KAT2B: variants seen among roughly 807,000 people sequenced by gnomAD.
The protein encoded by KAT2B is lysine acetyltransferase 2B, also known as histone acetyltransferase KAT2B.
KAT2B carries 36 observed loss-of-function variants against 105.9 expected under a neutral mutation model. That is an observed-to-expected ratio of 0.34 (90% CI 0.26 to 0.45). KAT2B has a LOEUF of 0.45. Among genes scored for constraint, KAT2B ranks in the 20% least tolerant of loss-of-function variants. The pLI, the probability that KAT2B is intolerant of heterozygous loss-of-function variation, is 1.00. For missense variants in KAT2B, 820 were observed against 1,021.6 expected, an observed-to-expected ratio of 0.80 and a Z score of 2.69; for synonymous variants, 397 against 377.9, an observed-to-expected ratio of 1.05 and a Z score of -0.59.
chr3:20,142,817 G>A (rs972517893), intron 13 of KAT2B, among the ~76,000 whole-genome samples: 1 of 152,102 alleles, frequency 6.6e-6, no homozygotes, highest in Non-Finnish European at 1.5e-5. Flanking sequence ...TTGTTATGTC[G>A]GTGATGAAGG....
At chr3:20,083,336 G>A (rs923717675) in intron 2 of KAT2B, among the ~76,000 whole-genome samples, 1 of 152,202 alleles carries the variant, frequency 6.6e-6, no homozygotes, top group Non-Finnish European at 1.5e-5. Flanking sequence ...ATTGAAGGGA[G>A]CCTATTTGCA....
At chr3:20,055,098 G>A (rs1244204144) in intron 1 of KAT2B, among the ~76,000 whole-genome samples, 2 of 152,002 alleles carry the variant, frequency 1.3e-5, no homozygotes, top group Non-Finnish European at 2.9e-5. Flanking sequence ...GTAAAACCAA[G>A]CAGAGAAGCA....
At chr3:20,151,646 A>T (rs1041645211) in intron 17 of KAT2B, among the ~76,000 whole-genome samples, 1 of 152,172 alleles carries the variant, frequency 6.6e-6, no homozygotes, top group South Asian at 2.1e-4. Flanking sequence ...GTTTAGATGG[A>T]GTACTGTTTT....
chr3:20,126,024 C>G lies in KAT2B; in HGVS notation c.1533C>G (p.Ile511Met), dbSNP rs1410683079. 3 of 1,614,002 alleles carry G rather than the reference C, an allele frequency of 1.9e-6. No homozygotes were observed. Among genetic ancestry groups the G allele is most frequent in the Admixed American group, 1.7e-5 (1 of 59,990 alleles). The change falls in exon 10 of 18, where the codon ATC becomes ATG. Residue 511 changes from isoleucine to methionine, a missense_variant. This residue lies in a region of KAT2B where 225 missense variants were observed against 268.1 expected (regional missense o/e 0.84). Transcript: ENST00000263754. ...NSLNQKPNKK[I>M]LMWLVGLQNV... ...TCAACCAGAAACCAAACAAGAAGATCCTGATGTGGCTGGTTGGCCTACAGA... is the reference window on the plus strand; with the variant it reads ...TCAACCAGAAACCAAACAAGAAGATGCTGATGTGGCTGGTTGGCCTACAGA...
chr3:20,073,019 C>T (rs1438297017), intron 2 of KAT2B, among the ~76,000 whole-genome samples: 2 of 152,066 alleles, frequency 1.3e-5, no homozygotes, highest in Non-Finnish European at 2.9e-5. Flanking sequence ...GCAAAATAAT[C>T]ATTGTCAGTG....
At chr3:20,142,228 G>A (rs995101670) in intron 13 of KAT2B, among the ~76,000 whole-genome samples, 1 of 152,126 alleles carries the variant, frequency 6.6e-6, no homozygotes, top group Non-Finnish European at 1.5e-5. Context: ...CTTTTTAGAA[G>A]CCAAGGCTCC....
chr3:20,096,983 G>T (rs921898872), intron 3 of KAT2B, among the ~76,000 whole-genome samples: 1 of 151,986 alleles, frequency 6.6e-6, no homozygotes, highest in African/African-American at 2.4e-5. Context: ...AAGAGAGTGG[G>T]GGAAGAGAGA....
At position 20,040,549 on chromosome 3, in the gene KAT2B, G is replaced by T; in HGVS notation, c.72G>T (p.Ala24=). The T allele has an allele frequency of 9.8e-7, 1 of 1,023,404 alleles. No homozygotes were observed. The highest frequency in any genetic ancestry group is 1.2e-6 in the Non-Finnish European group (1 of 851,002). The allele number at this position is 1,023,404 out of a possible 1,614,324, so 63.4% of individuals were successfully genotyped here. A position where few individuals can be genotyped will look rare whatever the true frequency, so the allele number is the denominator to read the frequency against. ...CCGGGGCAGGGGCCGGGCCCGGGGC[G>T]CTGCCCCCGCAGCCTGCGGCGCTTC... ...AGAGAGAGPG[A]LPPQPAALPP... is the part of the protein sequence containing the mutation. Residue 24 remains alanine (A), a synonymous_variant, in exon 1 of 18, where the codon GCG becomes GCT. Transcript: ENST00000263754.
chr3:20,140,616 G>T (rs1283918891), intron 13 of KAT2B, among the ~76,000 whole-genome samples: 1 of 151,946 alleles, frequency 6.6e-6, no homozygotes, highest in Non-Finnish European at 1.5e-5. Flanking sequence ...TCAGCCTCCC[G>T]AGTAGCTAAG....
intron 11 of KAT2B, among the ~76,000 whole-genome samples, chr3:20,131,205 G>C (rs945924673): frequency 6.6e-6 from 1 of 151,686 alleles, no homozygotes; most frequent in Non-Finnish European, 1.5e-5. Context: ...TAACAGAAAT[G>C]GTGTTTCATC....
intron 1 of KAT2B, among the ~76,000 whole-genome samples, chr3:20,062,618 C>T (rs1214449622): frequency 4.0e-5 from 6 of 151,226 alleles, no homozygotes; most frequent in South Asian, 2.1e-4. Context: ...TGCGCCGCCA[C>T]GCCCAGCCAA....
At chr3:20,144,709 A>C (rs1432451207) in intron 13 of KAT2B, among the ~76,000 whole-genome samples, 2 of 151,976 alleles carry the variant, frequency 1.3e-5, no homozygotes, top group East Asian at 3.9e-4. Flanking sequence ...GTCACTAGCC[A>C]CATGTGGCTA....
intron 11 of KAT2B, among the ~76,000 whole-genome samples, chr3:20,130,077 A>T (rs1295195229): frequency 6.6e-6 from 1 of 152,110 alleles, no homozygotes; most frequent in Non-Finnish European, 1.5e-5. Flanking sequence ...TCCTGGGTTC[A>T]AGTGATTCTT....
chr3:20,078,970 G>A (rs1182238088), intron 2 of KAT2B, among the ~76,000 whole-genome samples: 1 of 149,434 alleles, frequency 6.7e-6, no homozygotes, highest in African/African-American at 2.5e-5. Context: ...TGCAACTTCC[G>A]CCTCCCAGGT....
chr3:20,144,559 G>A lies in KAT2B; in HGVS notation c.2005-1757G>A, dbSNP rs189625717. 8.7e-3 allele frequency among the ~76,000 whole-genome samples: 1,311 copies of A among 150,790 alleles called. 12 individuals are homozygous for A. Among genetic ancestry groups the A allele is most frequent in the Middle Eastern group, 0.017 (5 of 286 alleles). ...CCACCTCGGCCTCCCAAAGTGCTGG[G>A]ATTACAGGCGTGAGCCACCAAGCCC... On this transcript the variant is annotated intron_variant, in intron 13 of 17. Transcript: ENST00000263754.
At chr3:20,105,204 T>C (rs537217711) in intron 5 of KAT2B, among the ~76,000 whole-genome samples, 1 of 152,148 alleles carries the variant, frequency 6.6e-6, no homozygotes, top group Non-Finnish European at 1.5e-5. Context: ...GTTACATAAG[T>C]GTATGTTAAC....
intron 5 of KAT2B, among the ~76,000 whole-genome samples, chr3:20,102,699 T>C (rs1393437404): frequency 1.3e-5 from 2 of 152,244 alleles, no homozygotes; most frequent in African/African-American, 2.4e-5. Context: ...TATAAGGACC[T>C]ACATTTATTT....
At chr3:20,111,875 C>T (rs987000441) in intron 6 of KAT2B, 88 bp downstream of exon 6, 75 of 1,027,168 alleles carry the variant, frequency 7.3e-5, no homozygotes, top group Non-Finnish European at 9.9e-5. Flanking sequence ...ATAACAAGAT[C>T]GGAAATGACA....
At chr3:20,131,905 C>A (rs979220309) in intron 11 of KAT2B, among the ~76,000 whole-genome samples, 1 of 152,082 alleles carries the variant, frequency 6.6e-6, no homozygotes, top group East Asian at 1.9e-4. Flanking sequence ...TATTAAAAAT[C>A]TTGGCTAAAT....
Sources: gnomAD v4.1 joint callset for allele counts (sites outside exome capture counted in the v4.1 genomes callset) on GRCh38, gnomAD v4.1.1 for gene constraint, gnomAD v4.1.1 regional missense constraint, MANE v1.5 for transcripts, NCBI Gene and HGNC (gene_info 2026-07-23, HGNC 2026-07-21) for gene names.